Variants in TAFA2 observed in about 807,000 individuals in gnomAD.
TAFA2 encodes TAFA chemokine like family member 2.
A neutral mutation model predicts 18.8 loss-of-function variants in TAFA2; 7 were observed. That is an observed-to-expected ratio of 0.37 (90% CI 0.21 to 0.70). TAFA2 has a LOEUF of 0.70. TAFA2 is among the 30% of genes least tolerant of loss of function. The pLI is 0.53. For missense variants in TAFA2, 122 were observed against 158.1 expected (o/e 0.77, Z 1.23); for synonymous variants, 60 against 54.2 (o/e 1.11, Z -0.47).
intron 1 of TAFA2, among the ~76,000 whole-genome samples, chr12:61,975,514 CGT>C (rs3031098): frequency 1.8e-4 from 24 of 136,640 alleles, no homozygotes; most frequent in African/African-American, 3.4e-4. Flanking sequence ...CAATAATATT[CGT>C]GTGTGTGTGT....
chr12:62,012,390 A>G (rs1732362), intron 1 of TAFA2, among the ~76,000 whole-genome samples: 113,849 of 150,512 alleles, frequency 0.76, 43,297 homozygotes, highest in African/African-American at 0.78. Flanking sequence ...CACGTATATC[A>G]TCTTTCTCAT....
chr12:62,034,577 G>A (rs552664591), intron 1 of TAFA2, among the ~76,000 whole-genome samples: 214 of 152,156 alleles, frequency 1.4e-3, no homozygotes, highest in Non-Finnish European at 2.3e-3. Context: ...CCCTAATTAT[G>A]CTAACTATAT....
At chr12:62,235,020 G>A in intron 1 of TAFA2, 1 of 640,254 alleles carries the variant, frequency 1.6e-6, no homozygotes. Flanking sequence ...AGGCATTGTA[G>A]GGTCCCCAAT....
At chr12:62,106,320 T>TGA (rs1220500314) in intron 1 of TAFA2, among the ~76,000 whole-genome samples, 3 of 150,354 alleles carry the variant, frequency 2.0e-5, no homozygotes, top group Non-Finnish European at 4.4e-5. Context: ...AGCAACAGAG[T>TGA]GAGACTCCAT....
chr12:61,856,577 G>T (rs1873893781), intron 2 of TAFA2, among the ~76,000 whole-genome samples: 2 of 151,886 alleles, frequency 1.3e-5, no homozygotes, highest in African/African-American at 4.8e-5. Context: ...ATATCAAAAT[G>T]CATACATTTT....
At chr12:61,978,162 G>C (rs530523244) in intron 1 of TAFA2, among the ~76,000 whole-genome samples, 1 of 151,922 alleles carries the variant, frequency 6.6e-6, no homozygotes, top group Non-Finnish European at 1.5e-5. Flanking sequence ...ACCCCTCTCA[G>C]TAGGAGACTA....
At chr12:62,062,117 T>C (rs964647022) in intron 1 of TAFA2, among the ~76,000 whole-genome samples, 4 of 152,070 alleles carry the variant, frequency 2.6e-5, no homozygotes, top group Non-Finnish European at 5.9e-5. Flanking sequence ...GAGGTTGCAC[T>C]GAGCTGAGAT....
intron 1 of TAFA2, among the ~76,000 whole-genome samples, chr12:62,038,721 T>A (rs1281168645): frequency 6.6e-6 from 1 of 152,086 alleles, no homozygotes; most frequent in Non-Finnish European, 1.5e-5. Flanking sequence ...ACCAAGACTT[T>A]CACTTCATTT....
chr12:61,855,576 C>A (rs1873849223), intron 2 of TAFA2, among the ~76,000 whole-genome samples: 1 of 152,042 alleles, frequency 6.6e-6, no homozygotes. Flanking sequence ...TATATTTCAT[C>A]TAATAATATA....
intron 1 of TAFA2, among the ~76,000 whole-genome samples, chr12:61,917,835 G>T (rs1876888589): frequency 6.6e-6 from 1 of 152,152 alleles, no homozygotes. Flanking sequence ...CAACAGGCTG[G>T]CAGAGCCTAA....
At chr12:62,110,267 T>C (rs1048058885) in intron 1 of TAFA2, among the ~76,000 whole-genome samples, 1 of 152,206 alleles carries the variant, frequency 6.6e-6, no homozygotes, top group Non-Finnish European at 1.5e-5. Context: ...TCTGTTTATA[T>C]AATGGATTCT....
intron 4 of TAFA2, among the ~76,000 whole-genome samples, chr12:61,747,992 G>A (rs1215061846): frequency 6.6e-6 from 1 of 152,022 alleles, no homozygotes; most frequent in Non-Finnish European, 1.5e-5. Context: ...TTCTCTTCAA[G>A]TTAGCAGCGG....
intron 2 of TAFA2, among the ~76,000 whole-genome samples, chr12:61,788,795 G>T (rs1870849057): frequency 6.6e-6 from 1 of 151,606 alleles, no homozygotes; most frequent in Non-Finnish European, 1.5e-5. Flanking sequence ...TAGAAGAAAT[G>T]AATAAATTCC....
At chr12:62,195,689 T>A (rs1441913606), upstream of TAFA2, among the ~76,000 whole-genome samples, 1 of 152,250 alleles carries the variant, frequency 6.6e-6, no homozygotes, top group African/African-American at 2.4e-5. Context: ...AGGCTTAAAA[T>A]ATTTAATAAA....
intron 1 of TAFA2, among the ~76,000 whole-genome samples, chr12:62,035,733 C>CT (rs34859628): frequency 0.32 from 19,094 of 60,038 alleles, 5,444 homozygotes; most frequent in Non-Finnish European, 0.39. Flanking sequence ...ATGATTCTTT[C>CT]TTTTTTTTTT....
chr12:62,049,423 C>G (rs568156093), intron 1 of TAFA2, among the ~76,000 whole-genome samples: 52 of 152,224 alleles, frequency 3.4e-4, no homozygotes, highest in African/African-American at 1.3e-3. Context: ...CAAGAAGTAC[C>G]TAGCACCTGC....
intron 1 of TAFA2, among the ~76,000 whole-genome samples, chr12:61,926,218 CA>C (rs1236922255): frequency 1.3e-5 from 2 of 152,124 alleles, no homozygotes; most frequent in Admixed American, 6.5e-5. Flanking sequence ...TACCAACCAA[CA>C]AAAGCCCAGG....
In TAFA2 at chr12:62,228,126, G is replaced by A. The variant is rs150043794; in HGVS notation, c.-130+30637C>T. ...TGTTTTAATTTTTAATTTTTTTATC[G>A]TTGCCCAAGTAGTAAACTTAGCACC... On this transcript the variant is annotated intron_variant, in intron 1 of 5. Coordinates refer to the TAFA2 transcript ENST00000551619. Among the ~76,000 whole-genome samples, 361 of 151,178 alleles carry A rather than the reference G, an allele frequency of 2.4e-3. 9 individuals carry two copies. The East Asian group carries it at 0.057, about 24-fold the overall frequency.
chr12:61,837,044 T>C (rs1376788859), intron 2 of TAFA2, among the ~76,000 whole-genome samples: 3 of 151,504 alleles, frequency 2.0e-5, no homozygotes, highest in Admixed American at 6.6e-5. Context: ...ATTTAGAAAG[T>C]TTTTTAATTT....
Sources: gnomAD v4.1 joint callset for allele counts (sites outside exome capture counted in the v4.1 genomes callset) on GRCh38, gnomAD v4.1.1 for gene constraint, MANE v1.5 for transcripts, NCBI Gene and HGNC (gene_info 2026-07-23, HGNC 2026-07-21) for gene names.